The following SLC9A9 variants were observed in gnomAD, a reference collection of about 807,000 sequenced individuals.
The protein encoded by SLC9A9 is sodium/hydrogen exchanger 9.
SLC9A9 carries 62 observed loss-of-function variants against 77.8 expected under a neutral mutation model. The observed-to-expected ratio is 0.80, with a 90% CI of 0.65 to 0.98. The LOEUF is 0.98. SLC9A9 is among the 50% of genes least tolerant of loss of function. SLC9A9 has a pLI of 0.00. For synonymous variants in SLC9A9, 320 were observed against 283.5 expected, an observed-to-expected ratio of 1.13 and a Z score of -1.29; for missense variants, 775 against 774.9, an observed-to-expected ratio of 1.00 and a Z score of 0.00.
At chr3:143,301,246 A>G (rs910500537) in intron 14 of SLC9A9, among the ~76,000 whole-genome samples, 3 of 152,218 alleles carry the variant, frequency 2.0e-5, no homozygotes, top group African/African-American at 7.2e-5. Flanking sequence ...ATTTGCGCAA[A>G]ATGCATACTT....
intron 14 of SLC9A9, among the ~76,000 whole-genome samples, chr3:143,297,036 C>T (rs1220545113): frequency 6.6e-6 from 1 of 152,178 alleles, no homozygotes. Flanking sequence ...TATAGTCCCA[C>T]TTGCCTATTT....
intron 4 of SLC9A9, among the ~76,000 whole-genome samples, chr3:143,783,960 C>T (rs964980776): frequency 6.6e-6 from 1 of 152,234 alleles, no homozygotes; most frequent in Non-Finnish European, 1.5e-5. Context: ...AAAGCTCTAT[C>T]CTTTCCCAAA....
chr3:143,673,429 A>T (rs1291256653), intron 5 of SLC9A9, among the ~76,000 whole-genome samples: 1 of 152,154 alleles, frequency 6.6e-6, no homozygotes. Flanking sequence ...CTTAGGGTGT[A>T]GACTGGCAGT....
At chr3:143,520,030 T>C (rs2036269268) in intron 9 of SLC9A9, among the ~76,000 whole-genome samples, 1 of 152,176 alleles carries the variant, frequency 6.6e-6, no homozygotes, top group Admixed American at 6.5e-5. Flanking sequence ...GACTCCAGGC[T>C]GGAGATGTAT....
intron 13 of SLC9A9, among the ~76,000 whole-genome samples, chr3:143,370,295 G>A (rs2033018852): frequency 1.3e-5 from 2 of 152,112 alleles, no homozygotes; most frequent in African/African-American, 4.8e-5. Flanking sequence ...TTTATGAACT[G>A]TTTTCATAAA....
At chr3:143,552,521 C>T (rs1448239452) in intron 8 of SLC9A9, 71 bp from the exon 9 acceptor site, 4 of 1,321,682 alleles carry the variant, frequency 3.0e-6, no homozygotes, top group Non-Finnish European at 4.3e-6. Flanking sequence ...TAGGGCTATT[C>T]CAGTTGGAAA....
At chr3:143,377,186 T>G (rs1443875341) in intron 13 of SLC9A9, among the ~76,000 whole-genome samples, 1 of 152,198 alleles carries the variant, frequency 6.6e-6, no homozygotes, top group Non-Finnish European at 1.5e-5. Flanking sequence ...TTCCAACTCT[T>G]GCAACTCTGG....
intron 11 of SLC9A9, among the ~76,000 whole-genome samples, chr3:143,470,249 G>T (rs993034601): frequency 6.6e-6 from 1 of 151,994 alleles, no homozygotes; most frequent in Non-Finnish European, 1.5e-5. Flanking sequence ...GCTGAGGCGG[G>T]TGGTGGATTA....
At chr3:143,672,936 C>T (rs530825494) in intron 5 of SLC9A9, among the ~76,000 whole-genome samples, 1 of 152,264 alleles carries the variant, frequency 6.6e-6, no homozygotes, top group East Asian at 1.9e-4. Flanking sequence ...TCACACATCA[C>T]CTGAGCAGCC....
In SLC9A9 at chr3:143,570,798, T is replaced by TTA. The variant is rs1045607161; in HGVS notation, c.1000+3288_1000+3289dup. The stretch of plus-strand genomic sequence containing the variant: ...TTTAAGTGTATATGTGTGTGTATAA[T>TTA]TATATATATATAGTTAGCTTGACAC... On this transcript the variant is annotated intron_variant, in intron 8 of 15. Transcript: ENST00000316549. Among the ~76,000 whole-genome samples the TTA allele has an allele frequency of 6.8e-4, 103 of 152,014 alleles. 1 individual carries two copies. Among genetic ancestry groups the TTA allele is most frequent in the African/African-American group, 2.3e-3 (97 of 41,484 alleles).
rs1559922061 is a variant in SLC9A9 at position 143,450,054 on chromosome 3, C to A, written c.1469+16983G>T. ...ATATACATATATGTATATATACACACATATATAATATGTATATATAATATA... is the reference window on the plus strand; with the variant it reads ...ATATACATATATGTATATATACACAAATATATAATATGTATATATAATATA... On this transcript the variant is annotated intron_variant, in intron 12 of 15. Coordinates refer to ENST00000316549, the MANE Select transcript of SLC9A9 (RefSeq NM_173653.4). 2.8e-3 allele frequency among the ~76,000 whole-genome samples: 245 copies of A among 88,074 alleles called. 4 individuals carry two copies. Among genetic ancestry groups the A allele is most frequent in the African/African-American group, 0.016 (234 of 14,346 alleles). The allele number at this position is 88,074 out of a possible 152,430, so 57.8% of individuals were successfully genotyped here. A position where few individuals can be genotyped will look rare whatever the true frequency, so the allele number is the denominator to read the frequency against.
chr3:143,760,216 G>A (rs2007072178), intron 4 of SLC9A9, among the ~76,000 whole-genome samples: 1 of 152,058 alleles, frequency 6.6e-6, no homozygotes, highest in Non-Finnish European at 1.5e-5. Flanking sequence ...TTGGCATGAA[G>A]GGCTGTTGAA....
In SLC9A9 at chr3:143,350,919, C is replaced by T. The variant is rs563380910; in HGVS notation, c.1604+12565G>A. ...TCCATCTTTTTCTCAAAGTTCAGCT[C>T]GAATCTACCAACAACTGTTAACTTT... is the stretch of plus-strand genomic sequence containing the variant. On this transcript the variant is annotated intron_variant, in intron 14 of 15. Coordinates refer to ENST00000316549, the MANE Select transcript of SLC9A9 (RefSeq NM_173653.4). Among the ~76,000 whole-genome samples the T allele has an allele frequency of 9.2e-5, 14 of 152,232 alleles. No individual in the cohort carries two copies. The South Asian group carries it at 1.7e-3, about 18-fold the overall frequency.
At chr3:143,394,969 ACATTCCATGCT>A (rs1167204428) in intron 12 of SLC9A9, among the ~76,000 whole-genome samples, 1 of 152,246 alleles carries the variant, frequency 6.6e-6, no homozygotes, top group Admixed American at 6.5e-5. Context: ...AAATGGGAGA[ACATTCCATGCT>A]CATGGATAGG....
intron 9 of SLC9A9, among the ~76,000 whole-genome samples, chr3:143,514,589 T>C (rs1261374897): frequency 1.3e-5 from 2 of 152,246 alleles, no homozygotes; most frequent in Non-Finnish European, 2.9e-5. Context: ...TCTGGATAAC[T>C]TGCTACAGCT....
chr3:143,671,416 G>A lies in SLC9A9; in HGVS notation c.650-19056C>T, dbSNP rs113248827. On this transcript the variant is annotated intron_variant, in intron 5 of 15. Coordinates refer to ENST00000316549, the MANE Select transcript of SLC9A9 (RefSeq NM_173653.4). ...CATACCTATATTTCATTAACTTGCC[G>A]TGAAACCTTGAGATAATCTTAAAAT... Among the ~76,000 whole-genome samples, 256 of 152,164 alleles carry A rather than the reference G, an allele frequency of 1.7e-3. 1 individual carries two copies. The highest frequency in any genetic ancestry group is 4.1e-3 in the Admixed American group (63 of 15,276).
intron 4 of SLC9A9, among the ~76,000 whole-genome samples, chr3:143,719,056 G>T (rs547824870): frequency 6.6e-6 from 1 of 152,154 alleles, no homozygotes; most frequent in East Asian, 1.9e-4. Flanking sequence ...TAAATGGAAC[G>T]TTAACTTCTT....
intron 12 of SLC9A9, among the ~76,000 whole-genome samples, chr3:143,428,292 C>T (rs1444540677): frequency 3.3e-5 from 2 of 59,852 alleles, no homozygotes; most frequent in African/African-American, 1.5e-4. Flanking sequence ...AGACATTTTT[C>T]AGAATATACA....
At chr3:143,425,551 T>G (rs1461649178) in intron 12 of SLC9A9, among the ~76,000 whole-genome samples, 1 of 152,208 alleles carries the variant, frequency 6.6e-6, no homozygotes, top group Non-Finnish European at 1.5e-5. Flanking sequence ...CATTTATTCC[T>G]TTTCTGCTCC....
Sources: gnomAD v4.1 joint callset for allele counts (sites outside exome capture counted in the v4.1 genomes callset) on GRCh38, gnomAD v4.1.1 for gene constraint, MANE v1.5 for transcripts, NCBI Gene and HGNC (gene_info 2026-07-23, HGNC 2026-07-21) for gene names.